PRIM2: variants seen among roughly 807,000 people sequenced by gnomAD.
PRIM2 encodes DNA primase subunit 2.
In PRIM2, 39 loss-of-function variants were observed where a neutral mutation model predicts 67.3. That is an observed-to-expected ratio of 0.58 (90% CI 0.45 to 0.76). The LOEUF is 0.76. PRIM2 is among the 30% of genes least tolerant of loss of function. PRIM2 has a pLI of 0.00. For synonymous variants in PRIM2, 143 were observed against 198.7 expected (o/e 0.72, Z 2.36); for missense variants, 398 against 598.7 (o/e 0.66, Z 3.50).
chr6:57,516,040 C>T (rs1220852101), intron 8 of PRIM2, among the ~76,000 whole-genome samples: 4 of 151,626 alleles, frequency 2.6e-5, no homozygotes, highest in Non-Finnish European at 1.5e-5. Flanking sequence ...CTAGAGGCCT[C>T]TGAAGTCCTT....
intron 8 of PRIM2, among the ~76,000 whole-genome samples, chr6:57,510,557 TTC>T (rs1410820303): frequency 6.6e-6 from 1 of 152,172 alleles, no homozygotes; most frequent in Non-Finnish European, 1.5e-5. Context: ...AGGGCTTTTA[TTC>T]TCTGTGGATT....
At chr6:57,576,023 C>T (rs1338044575) in intron 10 of PRIM2, among the ~76,000 whole-genome samples, 14,333 of 152,080 alleles carry the variant, frequency 0.094, 834 homozygotes, top group African/African-American at 0.16. Context: ...GGTGATCCAC[C>T]CACCTCAGCC....
intron 7 of PRIM2, among the ~76,000 whole-genome samples, chr6:57,444,658 A>T (rs1397869309): frequency 6.6e-6 from 1 of 152,160 alleles, no homozygotes; most frequent in East Asian, 1.9e-4. Flanking sequence ...AAAGCAGAAG[A>T]GTTCATAGAT....
At chr6:57,224,082 A>G in the PRIM2 span, among the ~76,000 whole-genome samples, 3 of 152,338 alleles carry the variant, frequency 2.0e-5, no homozygotes, top group South Asian at 6.2e-4. Context: ...AATGTCCATC[A>G]ATGGATGAAT....
intron 13 of PRIM2, among the ~76,000 whole-genome samples, chr6:57,640,276 TATC>T (rs1342192258): frequency 1.3e-5 from 2 of 152,130 alleles, no homozygotes; most frequent in Non-Finnish European, 2.9e-5. Flanking sequence ...CCACAGCCAA[TATC>T]ATACTGAATG....
intron 5 of PRIM2, among the ~76,000 whole-genome samples, chr6:57,347,009 G>A (rs9475861): frequency 0.13 from 19,343 of 151,922 alleles, 1,385 homozygotes; most frequent in African/African-American, 0.18. Context: ...TTTATTCTCT[G>A]CTTGCTTCTG....
At chr6:57,516,966 T>A (rs1338369859) in intron 8 of PRIM2, among the ~76,000 whole-genome samples, 5 of 152,186 alleles carry the variant, frequency 3.3e-5, no homozygotes, top group African/African-American at 1.2e-4. Context: ...ACTTCGCTTG[T>A]CACAGTGGTT....
At chr6:57,232,915 T>C in the PRIM2 span, among the ~76,000 whole-genome samples, 1 of 152,312 alleles carries the variant, frequency 6.6e-6, no homozygotes, top group Middle Eastern at 3.4e-3. Context: ...ACTAAGGAAT[T>C]GTCCTTCCAC....
intron 7 of PRIM2, among the ~76,000 whole-genome samples, chr6:57,479,002 C>T (rs1230309734): frequency 1.2e-3 from 183 of 152,160 alleles, no homozygotes; most frequent in Middle Eastern, 0.01. Flanking sequence ...CAAAATTAGC[C>T]GGGTGTGGTG....
chr6:57,298,607 G>A, the PRIM2 span, among the ~76,000 whole-genome samples: 5 of 151,860 alleles, frequency 3.3e-5, no homozygotes, highest in African/African-American at 1.2e-4. Flanking sequence ...TACAAAATTG[G>A]ACCCTCATAT....
At chr6:57,591,390 T>C (rs1160518620) in intron 10 of PRIM2, among the ~76,000 whole-genome samples, 1 of 152,186 alleles carries the variant, frequency 6.6e-6, no homozygotes, top group Non-Finnish European at 1.5e-5. Flanking sequence ...GATTCACTTA[T>C]ATGTGTGACC....
At chr6:57,555,702 T>C (rs1321724081) in intron 10 of PRIM2, among the ~76,000 whole-genome samples, 16 of 152,190 alleles carry the variant, frequency 1.1e-4, no homozygotes, top group East Asian at 7.7e-4. Flanking sequence ...GTAGAAGCTC[T>C]GGGATTCACA....
At chr6:57,328,339 T>G (rs1242749888) in intron 5 of PRIM2, among the ~76,000 whole-genome samples, 1 of 152,226 alleles carries the variant, frequency 6.6e-6, no homozygotes, top group Non-Finnish European at 1.5e-5. Flanking sequence ...CTTACCCATT[T>G]ATGGTCATTC....
intron 2 of PRIM2, among the ~76,000 whole-genome samples, chr6:57,320,177 T>C (rs1238948458): frequency 6.6e-6 from 1 of 152,196 alleles, no homozygotes. Flanking sequence ...GACATACTTT[T>C]CTGTTCCTCA....
At chr6:57,455,789 T>C (rs1415726161) in intron 7 of PRIM2, among the ~76,000 whole-genome samples, 2 of 152,224 alleles carry the variant, frequency 1.3e-5, no homozygotes, top group Non-Finnish European at 2.9e-5. Context: ...CATTTACATT[T>C]AAAGTTAATA....
intron 7 of PRIM2, among the ~76,000 whole-genome samples, chr6:57,443,671 T>TA (rs1339945983): frequency 6.6e-6 from 1 of 152,206 alleles, no homozygotes; most frequent in Non-Finnish European, 1.5e-5. Context: ...GTTAAACCCT[T>TA]ATCAGGCGTA....
intron 10 of PRIM2, among the ~76,000 whole-genome samples, chr6:57,571,106 C>A (rs1431702683): frequency 6.2e-4 from 95 of 152,138 alleles, no homozygotes; most frequent in African/African-American, 2.1e-3. Context: ...ACATGAAAAG[C>A]ATTTTCTCAT....
chr6:57,328,274 G>A (rs1023489367), intron 5 of PRIM2, among the ~76,000 whole-genome samples: 1 of 152,130 alleles, frequency 6.6e-6, no homozygotes, highest in Non-Finnish European at 1.5e-5. Flanking sequence ...ATTACAGATT[G>A]TGCAATCAAC....
At chr6:57,633,208 G>T (rs1442076156) in intron 13 of PRIM2, among the ~76,000 whole-genome samples, 1 of 152,170 alleles carries the variant, frequency 6.6e-6, no homozygotes, top group Non-Finnish European at 1.5e-5. Flanking sequence ...CAGTCCTCTG[G>T]CCCCTAGTTT....
Sources: allele counts gnomAD v4.1 joint callset (sites outside exome capture counted in the v4.1 genomes callset), GRCh38; gene constraint gnomAD v4.1.1; transcripts MANE v1.5; gene names NCBI Gene and HGNC (gene_info 2026-07-23, HGNC 2026-07-21).